The following ADAMTSL1 variants were observed in gnomAD, a reference collection of about 807,000 sequenced individuals.
ADAMTSL1 encodes the protein ADAMTS-like protein 1.
In ADAMTSL1, 126 loss-of-function variants were observed where a neutral mutation model predicts 201.8. The observed-to-expected ratio is 0.62, with a 90% CI of 0.54 to 0.72. ADAMTSL1 has a LOEUF of 0.72. Ranked by LOEUF, ADAMTSL1 falls within the 30% of genes least tolerant of loss-of-function variation. ADAMTSL1 has a pLI of 0.00. For synonymous variants in ADAMTSL1, 1,121 were observed against 903.4 expected (o/e 1.24, Z -4.32); for missense variants, 2,679 against 2,277.8 (o/e 1.18, Z -3.59).
chr9:17,971,996 T>A (rs900927396), intron 1 of ADAMTSL1, among the ~76,000 whole-genome samples: 1 of 151,788 alleles, frequency 6.6e-6, no homozygotes, highest in East Asian at 1.9e-4. Flanking sequence ...GACAAAATTA[T>A]ATATATTTAA....
intron 1 of ADAMTSL1, among the ~76,000 whole-genome samples, chr9:18,071,152 C>A (rs981330188): frequency 6.6e-6 from 1 of 152,350 alleles, no homozygotes; most frequent in South Asian, 2.1e-4. Context: ...CATTCTGTGA[C>A]AGAGCCACTG....
intron 23 of ADAMTSL1, 76 bp downstream of exon 23, chr9:18,830,053 G>C (rs947168826): frequency 6.6e-7 from 1 of 1,524,326 alleles, no homozygotes; most frequent in African/African-American, 1.4e-5. Flanking sequence ...CTGTTTGCAG[G>C]TGGGAAGGAG....
intron 4 of ADAMTSL1, among the ~76,000 whole-genome samples, chr9:18,596,039 T>G (rs1012633995): frequency 1.7e-4 from 26 of 152,220 alleles, no homozygotes; most frequent in Non-Finnish European, 1.0e-4. Context: ...TTACCTCCTA[T>G]TCTGCTATCT....
chr9:18,804,916 G>C (rs1309008414), intron 20 of ADAMTSL1, among the ~76,000 whole-genome samples: 1 of 152,102 alleles, frequency 6.6e-6, no homozygotes, highest in East Asian at 1.9e-4. Context: ...GCTCAGTTTA[G>C]GGTGTTAAAA....
Position 18,777,669 on chromosome 9 carries a change from C to A in ADAMTSL1, c.3440C>A (p.Thr1147Asn). 1 of 1,613,654 alleles carries A rather than the reference C, an allele frequency of 6.2e-7. No individual in the cohort carries two copies. Among genetic ancestry groups the A allele is most frequent in the Non-Finnish European group, 8.5e-7 (1 of 1,179,820 alleles). ...HVSGFSSSLR[T>N]SSTGDAGGGS... The stretch of plus-strand genomic sequence containing the variant: ...TCTGGCTTCAGCAGCTCCCTGCGGA[C>A]CTCCTCCACCGGGGACGCCGGGGGA... Residue 1147 changes from threonine to asparagine, a missense_variant, in exon 19 of 29, where the codon ACC becomes AAC. Thr to Asn is a moderately conservative substitution (Grantham distance 65, BLOSUM62 0). Coordinates refer to ENST00000380548, the MANE Select transcript of ADAMTSL1 (RefSeq NM_001040272.6).
chr9:17,973,140 T>G (rs1347416452), intron 1 of ADAMTSL1, among the ~76,000 whole-genome samples: 1 of 150,892 alleles, frequency 6.6e-6, no homozygotes, highest in Non-Finnish European at 1.5e-5. Flanking sequence ...TGGTATTTTC[T>G]TTTGCTGTGC....
chr9:18,202,338 T>A (rs1468812350), intron 2 of ADAMTSL1, among the ~76,000 whole-genome samples: 2 of 152,206 alleles, frequency 1.3e-5, no homozygotes, highest in Non-Finnish European at 2.9e-5. Context: ...TTAAAGATAA[T>A]TTATGATAAA....
intron 4 of ADAMTSL1, among the ~76,000 whole-genome samples, chr9:18,612,522 A>C (rs1259354969): frequency 1.3e-5 from 2 of 152,162 alleles, no homozygotes; most frequent in Non-Finnish European, 2.9e-5. Context: ...ATATCATTGA[A>C]ATACGCTTAA....
At chr9:18,021,577 A>T (rs947772268) in intron 1 of ADAMTSL1, among the ~76,000 whole-genome samples, 1 of 152,174 alleles carries the variant, frequency 6.6e-6, no homozygotes, top group Non-Finnish European at 1.5e-5. Flanking sequence ...TGGGACAAGC[A>T]TAAACTTTCT....
chr9:18,405,133 CT>C (rs1370704199), intron 2 of ADAMTSL1, among the ~76,000 whole-genome samples: 1 of 152,154 alleles, frequency 6.6e-6, no homozygotes, highest in African/African-American at 2.4e-5. Context: ...ATAGCTGCAT[CT>C]TTTTCTTTAT....
intron 2 of ADAMTSL1, among the ~76,000 whole-genome samples, chr9:18,308,977 C>T (rs944188540): frequency 6.6e-6 from 1 of 152,166 alleles, no homozygotes; most frequent in Non-Finnish European, 1.5e-5. Flanking sequence ...CATCAAAAAG[C>T]TTATCCACCA....
chr9:18,743,677 C>T (rs769063359), intron 15 of ADAMTSL1, among the ~76,000 whole-genome samples: 6 of 152,080 alleles, frequency 3.9e-5, no homozygotes, highest in Non-Finnish European at 7.4e-5. Flanking sequence ...TTTCCTGAGC[C>T]GTGCAAGTTA....
At chr9:18,753,204 C>G (rs1035559661) in intron 15 of ADAMTSL1, 94 bp from the exon 16 acceptor site, 1 of 1,269,860 alleles carries the variant, frequency 7.9e-7, no homozygotes, top group Non-Finnish European at 1.1e-6. Flanking sequence ...TCCCACTTTC[C>G]CAGTTAGGGG....
intron 7 of ADAMTSL1, among the ~76,000 whole-genome samples, chr9:18,644,256 T>C (rs182961286): frequency 0.011 from 1,637 of 152,126 alleles, 28 homozygotes; most frequent in African/African-American, 0.031. Context: ...TATTGATTAG[T>C]TCTAAAAGTT....
intron 1 of ADAMTSL1, among the ~76,000 whole-genome samples, chr9:18,475,645 C>T (rs1821411057): frequency 6.6e-6 from 1 of 152,084 alleles, no homozygotes. Flanking sequence ...TTTAGGTATG[C>T]TTTATGACTT....
intron 20 of ADAMTSL1, among the ~76,000 whole-genome samples, chr9:18,814,841 T>C (rs1265031043): frequency 6.6e-6 from 1 of 152,164 alleles, no homozygotes; most frequent in Non-Finnish European, 1.5e-5. Context: ...AGGTTACCTA[T>C]GTAACAACCC....
chr9:18,367,373 A>T (rs1199502757), intron 2 of ADAMTSL1, among the ~76,000 whole-genome samples: 1 of 124,236 alleles, frequency 8.0e-6, no homozygotes, highest in East Asian at 2.3e-4. Flanking sequence ...ACAGAAGATA[A>T]GATTTTTTTT....
At chr9:18,846,544 T>G (rs532017366) in intron 23 of ADAMTSL1, among the ~76,000 whole-genome samples, 1 of 152,182 alleles carries the variant, frequency 6.6e-6, no homozygotes, top group Non-Finnish European at 1.5e-5. Context: ...CTGTAAGATA[T>G]TTACACTTTG....
chr9:18,292,916 C>T (rs532776214), intron 2 of ADAMTSL1, among the ~76,000 whole-genome samples: 1 of 152,200 alleles, frequency 6.6e-6, no homozygotes, highest in Non-Finnish European at 1.5e-5. Flanking sequence ...AACTCCCTTT[C>T]ATATATACAT....
Sources: gnomAD v4.1 joint callset for allele counts (sites outside exome capture counted in the v4.1 genomes callset) on GRCh38, gnomAD v4.1.1 for gene constraint, MANE v1.5 for transcripts, NCBI Gene and HGNC (gene_info 2026-07-23, HGNC 2026-07-21) for gene names.